Variants in RBFOX1 observed in about 807,000 individuals in gnomAD.
RBFOX1 encodes RNA binding fox-1 homolog 1.
A neutral mutation model predicts 57.7 loss-of-function variants in RBFOX1; 8 were observed. The observed-to-expected ratio is 0.14, with a 90% CI of 0.08 to 0.25. The LOEUF is 0.25. Ranked by LOEUF, RBFOX1 falls within the 10% of genes least tolerant of loss-of-function variation. RBFOX1 has a pLI of 1.00. For missense variants in RBFOX1, 611 were observed against 548.5 expected, an observed-to-expected ratio of 1.11 and a Z score of -1.14; for synonymous variants, 326 against 222.4, an observed-to-expected ratio of 1.47 and a Z score of -4.15.
intron 3 of RBFOX1, among the ~76,000 whole-genome samples, chr16:5,802,702 A>G (rs1271022281): frequency 6.6e-6 from 1 of 152,130 alleles, no homozygotes; most frequent in Non-Finnish European, 1.5e-5. Flanking sequence ...TTGTTCTGAT[A>G]TTTTACTAAC....
chr16:7,185,686 C>G (rs981942050), intron 4 of RBFOX1, among the ~76,000 whole-genome samples: 1 of 152,148 alleles, frequency 6.6e-6, no homozygotes, highest in Non-Finnish European at 1.5e-5. Context: ...TGCGGTTTAT[C>G]TTCAAAGGCA....
At chr16:7,015,077 T>G (rs2093841105) in intron 3 of RBFOX1, among the ~76,000 whole-genome samples, 1 of 152,196 alleles carries the variant, frequency 6.6e-6, no homozygotes, top group Non-Finnish European at 1.5e-5. Flanking sequence ...ATCTTTTTCT[T>G]GCATTATGGA....
intron 1 of RBFOX1, among the ~76,000 whole-genome samples, chr16:6,122,871 C>T (rs999374835): frequency 1.1e-4 from 17 of 150,494 alleles, no homozygotes; most frequent in African/African-American, 3.9e-4. Context: ...AAGTTACTGC[C>T]AATAAGCTTC....
rs533562037 is a variant in RBFOX1 at position 7,033,985 on chromosome 16, A to T, written c.-15-18072A>T. ...CCCTGTCTAAAATGTCTAAAATAAAATAATAAAGGCATTTAATTCAATACT... is the reference window on the plus strand; with the variant it reads ...CCCTGTCTAAAATGTCTAAAATAAATTAATAAAGGCATTTAATTCAATACT... On this transcript the variant is annotated intron_variant, in intron 3 of 15. Transcript: ENST00000550418. Among the ~76,000 whole-genome samples, 4 of 152,306 alleles carry T rather than the reference A, an allele frequency of 2.6e-5. No individual in the cohort carries two copies. The South Asian group carries it at 8.3e-4, about 32-fold the overall frequency.
chr16:7,513,612 C>T (rs951155353), intron 4 of RBFOX1, among the ~76,000 whole-genome samples: 3 of 152,166 alleles, frequency 2.0e-5, no homozygotes, highest in Admixed American at 2.0e-4. Context: ...AGTAGCACAT[C>T]CTCCCTCATT....
At chr16:5,459,066 C>A (rs942941350) in intron 1 of RBFOX1, among the ~76,000 whole-genome samples, 1 of 152,192 alleles carries the variant, frequency 6.6e-6, no homozygotes, top group African/African-American at 2.4e-5. Flanking sequence ...TAAGGGAGAT[C>A]TCTGCTTCCT....
intron 1 of RBFOX1, among the ~76,000 whole-genome samples, chr16:6,127,218 G>A (rs753822602): frequency 6.6e-6 from 1 of 151,942 alleles, no homozygotes; most frequent in Non-Finnish European, 1.5e-5. Context: ...TGGAGTCAAA[G>A]GTTTGGGTTT....
intron 2 of RBFOX1, among the ~76,000 whole-genome samples, chr16:5,582,751 T>G (rs949763816): frequency 4.6e-5 from 7 of 151,986 alleles, no homozygotes; most frequent in African/African-American, 1.7e-4. Flanking sequence ...AACCTCTGCC[T>G]CCTGCCCTGC....
At chr16:5,750,328 G>A (rs916067391) in intron 3 of RBFOX1, among the ~76,000 whole-genome samples, 10 of 152,224 alleles carry the variant, frequency 6.6e-5, no homozygotes, top group African/African-American at 2.2e-4. Context: ...ACGTACTTGA[G>A]GAGGCAGACT....
At chr16:7,099,235 G>C (rs1219965192) in intron 4 of RBFOX1, among the ~76,000 whole-genome samples, 1 of 152,148 alleles carries the variant, frequency 6.6e-6, no homozygotes, top group East Asian at 1.9e-4. Flanking sequence ...TGTAGAATGA[G>C]GGAGGGTAGA....
chr16:7,142,271 A>G (rs1351182), intron 4 of RBFOX1, among the ~76,000 whole-genome samples: 66,071 of 151,834 alleles, frequency 0.44, 16,927 homozygotes, highest in South Asian at 0.58. Flanking sequence ...CAATCTTCCC[A>G]CCTCAGCCTT....
intron 3 of RBFOX1, among the ~76,000 whole-genome samples, chr16:6,848,691 T>C (rs1255334494): frequency 6.6e-6 from 1 of 151,930 alleles, no homozygotes; most frequent in African/African-American, 2.4e-5. Flanking sequence ...GCTGGGCAGA[T>C]GGATGGAATG....
At chr16:5,560,626 A>G (rs143256716) in intron 2 of RBFOX1, among the ~76,000 whole-genome samples, 10 of 152,292 alleles carry the variant, frequency 6.6e-5, no homozygotes, top group Admixed American at 3.3e-4. Flanking sequence ...TTTATTGAAT[A>G]AATGATTTTT....
intron 2 of RBFOX1, among the ~76,000 whole-genome samples, chr16:6,613,860 T>A (rs1469311702): frequency 1.3e-5 from 2 of 152,046 alleles, no homozygotes; most frequent in Non-Finnish European, 2.9e-5. Flanking sequence ...ATCACTTGAA[T>A]CTGGGAGGCA....
At chr16:7,534,708 T>C (rs910261383) in intron 5 of RBFOX1, among the ~76,000 whole-genome samples, 6 of 152,154 alleles carry the variant, frequency 3.9e-5, no homozygotes, top group Admixed American at 2.6e-4. Context: ...GGTTTCCTTT[T>C]CACAGTAAGG....
chr16:6,071,306 G>C (rs1178477847), intron 1 of RBFOX1, among the ~76,000 whole-genome samples: 1 of 152,188 alleles, frequency 6.6e-6, no homozygotes. Flanking sequence ...GGATGACAGA[G>C]TGAGACCCTG....
rs191865518 is a variant in RBFOX1 at position 6,489,004 on chromosome 16, C to G, written c.-63-165599C>G. Among the ~76,000 whole-genome samples, 1,246 of 152,254 alleles carry G rather than the reference C, an allele frequency of 8.2e-3. 13 individuals carry two copies. Among genetic ancestry groups the G allele is most frequent in the African/African-American group, 0.028 (1,182 of 41,560 alleles). On this transcript the variant is annotated intron_variant, in intron 2 of 15. Transcript: ENST00000550418. ...ACTAGGATCATGATGCAAAATCAGA[C>G]GGTCCTTATTCCCTTACAGTCTGAC...
At chr16:6,217,174 C>CTTTTTTTTTTTTTTTTTTTTTTTTT (rs71142697) in intron 1 of RBFOX1, among the ~76,000 whole-genome samples, 1 of 119,060 alleles carries the variant, frequency 8.4e-6, no homozygotes, top group Non-Finnish European at 1.6e-5. Context: ...TTAGGGGATT[C>CTTTTTTTTTTTTTTTTTTTTTTTTT]TTTTTTTTTT....
intron 1 of RBFOX1, among the ~76,000 whole-genome samples, chr16:6,218,240 C>T (rs1018301080): frequency 1.3e-5 from 2 of 152,076 alleles, no homozygotes; most frequent in Non-Finnish European, 2.9e-5. Flanking sequence ...TAGAGTCATT[C>T]ATTGAGCTAA....
Sources: allele counts gnomAD v4.1 joint callset (sites outside exome capture counted in the v4.1 genomes callset), GRCh38; gene constraint gnomAD v4.1.1; transcripts MANE v1.5; gene names NCBI Gene and HGNC (gene_info 2026-07-23, HGNC 2026-07-21).